MYO1D: variants seen among roughly 807,000 people sequenced by gnomAD.
MYO1D encodes the protein myosin ID, also known as unconventional myosin-Id.
A neutral mutation model predicts 122.0 loss-of-function variants in MYO1D; 83 were observed. The observed-to-expected ratio is 0.68, with a 90% CI of 0.57 to 0.82. MYO1D has a LOEUF of 0.82. Among genes scored for constraint, MYO1D ranks in the 40% least tolerant of loss-of-function variants. The pLI is 0.00. For synonymous variants in MYO1D, 464 were observed against 446.9 expected, an observed-to-expected ratio of 1.04 and a Z score of -0.48; for missense variants, 1,157 against 1,269.5, an observed-to-expected ratio of 0.91 and a Z score of 1.35.
intron 16 of MYO1D, among the ~76,000 whole-genome samples, chr17:32,711,702 C>G (rs1286187079): frequency 6.6e-6 from 1 of 151,952 alleles, no homozygotes; most frequent in African/African-American, 2.4e-5. Flanking sequence ...ACACAGTTAA[C>G]AGTAAAGGAC....
chr17:32,810,853 CTT>C (rs72116663), intron 1 of MYO1D, among the ~76,000 whole-genome samples: 5,468 of 151,394 alleles, frequency 0.036, 319 homozygotes, highest in African/African-American at 0.12. Context: ...GAGGAGTTGT[CTT>C]TTTTTTTGGT....
At chr17:32,687,451 C>A (rs1273821275) in intron 16 of MYO1D, among the ~76,000 whole-genome samples, 2 of 152,302 alleles carry the variant, frequency 1.3e-5, no homozygotes, top group African/African-American at 4.8e-5. Flanking sequence ...CCCGCCTTGG[C>A]CTCCCAAAGT....
At chr17:32,612,696 C>CAAAAAAAA (rs1158470135) in intron 20 of MYO1D, among the ~76,000 whole-genome samples, 11 of 104,604 alleles carry the variant, frequency 1.1e-4, no homozygotes, top group South Asian at 3.3e-4. Context: ...AAAAAAAAAA[C>CAAAAAAAA]AAAAAAAAAA....
intron 13 of MYO1D, 62 bp from the exon 14 acceptor site, chr17:32,738,447 A>G: frequency 2.1e-6 from 3 of 1,459,998 alleles, no homozygotes; most frequent in Non-Finnish European, 1.8e-6. Flanking sequence ...AAAAACTGAT[A>G]AGCAATTCTG....
chr17:32,632,130 C>A (rs2088015720), intron 20 of MYO1D, among the ~76,000 whole-genome samples: 1 of 152,176 alleles, frequency 6.6e-6, no homozygotes, highest in South Asian at 2.1e-4. Context: ...TAGTGTCTAT[C>A]TCTGCTCCAT....
intron 14 of MYO1D, chr17:32,727,659 A>T (rs937124633): frequency 1.3e-5 from 2 of 152,254 alleles, no homozygotes; most frequent in Admixed American, 1.3e-4. Context: ...AATACAGAAG[A>T]GTCAAATAGA....
chr17:32,690,556 C>G (rs1329972436), intron 16 of MYO1D, among the ~76,000 whole-genome samples: 1 of 152,090 alleles, frequency 6.6e-6, no homozygotes, highest in African/African-American at 2.4e-5. Context: ...AAATTTAATC[C>G]CCAGTGTTGG....
chr17:32,603,844 A>T (rs2087593485), intron 21 of MYO1D, among the ~76,000 whole-genome samples: 3 of 151,832 alleles, frequency 2.0e-5, no homozygotes, highest in Admixed American at 2.0e-4. Flanking sequence ...ACTTTTTAAA[A>T]TTTTTCTTAG....
chr17:32,660,093 T>C (rs1229083161), intron 16 of MYO1D, among the ~76,000 whole-genome samples: 1 of 152,172 alleles, frequency 6.6e-6, no homozygotes, highest in African/African-American at 2.4e-5. Flanking sequence ...TCTTCCCCTG[T>C]ATATCCTCTC....
chr17:32,520,564 ATGAATAATAGGCGTG>A (rs768878475), intron 21 of MYO1D, among the ~76,000 whole-genome samples: 13 of 152,218 alleles, frequency 8.5e-5, no homozygotes, highest in Non-Finnish European at 1.3e-4. Context: ...AGGCATGTCG[ATGAATAATAGGCGTG>A]TGACAGGTTG....
At chr17:32,509,200 T>C (rs1464080426) in intron 21 of MYO1D, among the ~76,000 whole-genome samples, 3 of 152,212 alleles carry the variant, frequency 2.0e-5, no homozygotes, top group Non-Finnish European at 4.4e-5. Context: ...TGTAAGGGGC[T>C]GTTTATGTGT....
At chr17:32,830,769 A>T (rs974522335) in intron 1 of MYO1D, among the ~76,000 whole-genome samples, 1 of 152,192 alleles carries the variant, frequency 6.6e-6, no homozygotes, top group Non-Finnish European at 1.5e-5. Flanking sequence ...AAGCGTTTTT[A>T]AAAAATACCG....
chr17:32,688,646 T>C (rs1047653740), intron 16 of MYO1D, among the ~76,000 whole-genome samples: 2 of 152,160 alleles, frequency 1.3e-5, no homozygotes, highest in Non-Finnish European at 2.9e-5. Context: ...ACAAACAATG[T>C]CGTGCTATGG....
chr17:32,508,925 C>A (rs1030316821), intron 21 of MYO1D, among the ~76,000 whole-genome samples: 3 of 152,188 alleles, frequency 2.0e-5, no homozygotes, highest in African/African-American at 4.8e-5. Context: ...ATCAACAGCT[C>A]CTCGTGCAGT....
chr17:32,619,383 A>G (rs987381629), intron 20 of MYO1D, among the ~76,000 whole-genome samples: 2 of 152,188 alleles, frequency 1.3e-5, no homozygotes, highest in Admixed American at 6.5e-5. Context: ...GCTCCTTTGG[A>G]AAGAACATAC....
At position 32,493,363 on chromosome 17, in the gene MYO1D, G is replaced by GCA. The variant is rs1450262629; in HGVS notation, c.*1394_*1395dup. 3.3e-5 allele frequency: 5 copies of GCA among 152,518 alleles called. No homozygotes were observed. The East Asian group carries it at 9.6e-4, about 29-fold the overall frequency. 9.4% of individuals were successfully genotyped at this position (152,518 alleles called of 1,614,324 possible). On this transcript the variant is annotated 3_prime_UTR_variant, in exon 22 of 22. Coordinates refer to ENST00000318217, the MANE Select transcript of MYO1D (RefSeq NM_015194.3). The stretch of plus-strand genomic sequence containing the variant: ...GGCCCTGGGTGAGGCACAGGAGGCT[G>GCA]CACACAGGCACTTGGTGGGTTCTGC...
chr17:32,709,718 AT>A (rs1166008574), intron 16 of MYO1D, among the ~76,000 whole-genome samples: 1 of 152,180 alleles, frequency 6.6e-6, no homozygotes, highest in African/African-American at 2.4e-5. Flanking sequence ...AAAATTCATT[AT>A]TTATACATGA....
At chr17:32,825,374 C>A (rs1416444177) in intron 1 of MYO1D, among the ~76,000 whole-genome samples, 1 of 152,124 alleles carries the variant, frequency 6.6e-6, no homozygotes, top group African/African-American at 2.4e-5. Context: ...TCACTGCAGC[C>A]TTAACTTCCC....
At chr17:32,704,610 G>A (rs537006924) in intron 16 of MYO1D, among the ~76,000 whole-genome samples, 2 of 152,224 alleles carry the variant, frequency 1.3e-5, no homozygotes, top group South Asian at 4.1e-4. Flanking sequence ...AATGGTAGTA[G>A]TAGCAGCACT....
Sources: gnomAD v4.1 joint callset for allele counts (sites outside exome capture counted in the v4.1 genomes callset) on GRCh38, gnomAD v4.1.1 for gene constraint, MANE v1.5 for transcripts, NCBI Gene and HGNC (gene_info 2026-07-23, HGNC 2026-07-21) for gene names.